The following ZC3H12B variants were observed in gnomAD, a reference collection of about 807,000 sequenced individuals.
ZC3H12B encodes the protein zinc finger CCCH-type containing 12B.
A neutral mutation model predicts 43.9 loss-of-function variants in ZC3H12B; 7 were observed. That is an observed-to-expected ratio of 0.16 (90% CI 0.09 to 0.30). ZC3H12B has a LOEUF of 0.30. Ranked by LOEUF, ZC3H12B falls within the 10% of genes least tolerant of loss-of-function variation. ZC3H12B has a pLI of 1.00. For missense variants in ZC3H12B, 475 were observed against 670.2 expected (o/e 0.71, Z 3.22); for synonymous variants, 222 against 241.7 (o/e 0.92, Z 0.76).
At chrX:65,422,925 C>CTTTTTTTTTTTT (rs34567013) in intron 3 of ZC3H12B, among the ~76,000 whole-genome samples, 5 of 46,180 alleles carry the variant, frequency 1.1e-4, no homozygotes, top group African/African-American at 3.2e-4. Context: ...TCTTTCTTTG[C>CTTTTTTTTTTTT]TTTTTTTTTT....
chrX:65,067,823 A>G, the ZC3H12B span, among the ~76,000 whole-genome samples: 5 of 110,413 alleles, frequency 4.5e-5, no homozygotes, highest in African/African-American at 1.6e-4. Flanking sequence ...ATGATGCATC[A>G]TTGGAATGTT....
the ZC3H12B span, among the ~76,000 whole-genome samples, chrX:65,186,840 C>T: frequency 6.3e-5 from 7 of 111,912 alleles, no homozygotes; most frequent in Non-Finnish European, 1.1e-4. Context: ...CAATTCAATG[C>T]AGGTTGCTGC....
At chrX:65,199,083 G>GC in the ZC3H12B span, among the ~76,000 whole-genome samples, 1 of 108,541 alleles carries the variant, frequency 9.2e-6, no homozygotes, top group Non-Finnish European at 1.9e-5. Context: ...GCCCACGTTG[G>GC]CCCCCCAAAG....
intron 3 of ZC3H12B, among the ~76,000 whole-genome samples, chrX:65,457,608 T>C (rs1414697812): frequency 1.3e-5 from 1 of 79,176 alleles, no homozygotes; most frequent in Non-Finnish European, 2.0e-5. Flanking sequence ...ACAATGGCGG[T>C]TTTGTGGAAT....
At chrX:65,229,353 C>G in the ZC3H12B span, among the ~76,000 whole-genome samples, 7 of 110,653 alleles carry the variant, frequency 6.3e-5, no homozygotes, top group African/African-American at 2.3e-4. Context: ...GAAACTGGAT[C>G]CCTTCCTTAC....
the ZC3H12B span, among the ~76,000 whole-genome samples, chrX:65,046,236 TAACTGTG>T: frequency 2.7e-5 from 3 of 112,084 alleles, no homozygotes; most frequent in Non-Finnish European, 5.6e-5. Flanking sequence ...GACTTCTCTC[TAACTGTG>T]AAAGTCCTAG....
intron 3 of ZC3H12B, among the ~76,000 whole-genome samples, chrX:65,480,619 G>A (rs1402422286): frequency 1.8e-5 from 2 of 111,813 alleles, no homozygotes; most frequent in Non-Finnish European, 3.8e-5. Flanking sequence ...GGCTGAGGGG[G>A]GCGGATCACC....
At chrX:65,302,263 A>G in the ZC3H12B span, among the ~76,000 whole-genome samples, 2 of 111,480 alleles carry the variant, frequency 1.8e-5, no homozygotes, top group Non-Finnish European at 3.8e-5. Flanking sequence ...AATTGTCTAT[A>G]CAGAAAATTT....
At chrX:65,081,211 G>A in the ZC3H12B span, among the ~76,000 whole-genome samples, 6 of 110,397 alleles carry the variant, frequency 5.4e-5, no homozygotes, top group East Asian at 1.7e-3. Context: ...AGCAAGAAAA[G>A]GAAGAAGAAA....
intron 2 of ZC3H12B, among the ~76,000 whole-genome samples, chrX:65,379,385 C>T (rs983988523): frequency 5.4e-5 from 6 of 111,378 alleles, no homozygotes; most frequent in Non-Finnish European, 9.4e-5. Context: ...AACAGACCTG[C>T]AGCTGAGGGT....
chrX:65,107,051 G>A, the ZC3H12B span, among the ~76,000 whole-genome samples: 1 of 111,105 alleles, frequency 9.0e-6, no homozygotes, highest in Non-Finnish European at 1.9e-5. Context: ...ATCTAGATAT[G>A]GAAGCCATTA....
chrX:65,112,229 A>T, the ZC3H12B span, among the ~76,000 whole-genome samples: 1 of 111,960 alleles, frequency 8.9e-6, no homozygotes, highest in African/African-American at 3.2e-5. Context: ...CTTCAATTAT[A>T]TGAGGGCTGA....
chrX:65,179,548 C>T, the ZC3H12B span, among the ~76,000 whole-genome samples: 3 of 110,434 alleles, frequency 2.7e-5, no homozygotes, highest in African/African-American at 9.9e-5. Context: ...ATGAATGAAT[C>T]TAGGAGCTGG....
the ZC3H12B span, among the ~76,000 whole-genome samples, chrX:65,255,859 G>A: frequency 8.9e-6 from 1 of 111,883 alleles, no homozygotes; most frequent in Non-Finnish European, 1.9e-5. Context: ...GAAATGAATG[G>A]AAAACAGAAA....
At position 65,476,477 on chromosome X, in the gene ZC3H12B, G is replaced by A. The variant is rs752781090; in HGVS notation, n.408-12169G>A. On this transcript the variant is annotated intron_variant and non_coding_transcript_variant, in intron 3 of 5. Coordinates refer to the ZC3H12B transcript ENST00000617377. ...AAAAGTACACACTCAAGAAAGAGGC[G>A]TGCAGGCATATTCAAGAGTCAGTCA... Among the ~76,000 whole-genome samples, 43 of 111,806 alleles carry A rather than the reference G, an allele frequency of 3.8e-4. 1 individual carries two copies. The highest frequency in any genetic ancestry group is 6.6e-4 in the Admixed American group (7 of 10,531).
the ZC3H12B span, among the ~76,000 whole-genome samples, chrX:65,067,087 G>A: frequency 9.0e-6 from 1 of 110,706 alleles, no homozygotes; most frequent in African/African-American, 3.3e-5. Flanking sequence ...CTGTGGGGGT[G>A]CAACCTGCTC....
the ZC3H12B span, among the ~76,000 whole-genome samples, chrX:65,160,258 A>AG: frequency 1.8e-5 from 2 of 111,995 alleles, no homozygotes; most frequent in Non-Finnish European, 3.8e-5. Context: ...CTTTGGTATC[A>AG]GGATGATGCT....
the ZC3H12B span, among the ~76,000 whole-genome samples, chrX:65,071,924 G>A: frequency 9.0e-6 from 1 of 111,533 alleles, no homozygotes; most frequent in Non-Finnish European, 1.9e-5. Context: ...TCATGGTTAT[G>A]TGTCTTGATG....
the ZC3H12B span, among the ~76,000 whole-genome samples, chrX:65,256,212 A>C: frequency 8.9e-6 from 1 of 112,109 alleles, no homozygotes; most frequent in South Asian, 3.7e-4. Flanking sequence ...AGAGCTCTCC[A>C]TCCTAAAACA....
Sources: gnomAD v4.1 joint callset for allele counts (sites outside exome capture counted in the v4.1 genomes callset) on GRCh38, gnomAD v4.1.1 for gene constraint, MANE v1.5 for transcripts, NCBI Gene and HGNC (gene_info 2026-07-23, HGNC 2026-07-21) for gene names.